The following TARBP1 variants were observed in gnomAD, a reference collection of about 807,000 sequenced individuals.
TARBP1 encodes the protein tRNA guanosine 2 -O-methyltransferase TARBP1.
In TARBP1, 144 loss-of-function variants were observed where a neutral mutation model predicts 178.6. The observed-to-expected ratio is 0.81, with a 90% CI of 0.70 to 0.93. The LOEUF (loss-of-function observed/expected upper bound fraction) is 0.93. TARBP1 is among the 40% of genes least tolerant of loss of function. TARBP1 has a pLI of 0.00. For missense variants in TARBP1, 2,067 were observed against 2,011.7 expected (o/e 1.03, Z -0.53); for synonymous variants, 787 against 781.0 (o/e 1.01, Z -0.13).
intron 24 of TARBP1, 122 bp downstream of exon 24, chr1:234,405,781 A>G (rs1396444598): frequency 2.2e-6 from 2 of 926,954 alleles, no homozygotes; most frequent in African/African-American, 3.3e-5. Flanking sequence ...CAAGCCCTCG[A>G]TGCTCCAGGA....
At chr1:234,450,589 C>T (rs1175649499) in intron 9 of TARBP1, 23 bp from the exon 10 acceptor site, 2 of 1,599,770 alleles carry the variant, frequency 1.3e-6, no homozygotes, top group African/African-American at 2.7e-5. Flanking sequence ...ACAGTTATTA[C>T]TTTATTTTAA....
At chr1:234,438,288 T>C (rs557743735) in intron 12 of TARBP1, among the ~76,000 whole-genome samples, 3 of 148,270 alleles carry the variant, frequency 2.0e-5, no homozygotes, top group African/African-American at 7.5e-5. Context: ...CCCCAGCTGA[T>C]ATGGAAAAAA....
chr1:234,462,959 C>G (rs186604897), intron 6 of TARBP1, among the ~76,000 whole-genome samples: 5 of 152,242 alleles, frequency 3.3e-5, no homozygotes, highest in Admixed American at 2.6e-4. Flanking sequence ...GGGAGTAACA[C>G]AAGGACTCAC....
chr1:234,477,011 C>A (rs904369113), intron 1 of TARBP1, among the ~76,000 whole-genome samples: 3 of 152,182 alleles, frequency 2.0e-5, no homozygotes, highest in African/African-American at 7.2e-5. Flanking sequence ...CACGGTGAAA[C>A]CCCGTCTCTA....
At chr1:234,434,431 G>A (rs1355322725) in intron 13 of TARBP1, among the ~76,000 whole-genome samples, 1 of 152,194 alleles carries the variant, frequency 6.6e-6, no homozygotes, top group African/African-American at 2.4e-5. Context: ...GGGATACAGT[G>A]CAGACAGAAG....
intron 9 of TARBP1, among the ~76,000 whole-genome samples, chr1:234,456,258 T>C (rs1379378920): frequency 6.6e-6 from 1 of 152,264 alleles, no homozygotes; most frequent in Non-Finnish European, 1.5e-5. Flanking sequence ...TGGAGTGCAG[T>C]GGCACGATCT....
chr1:234,453,233 A>T (rs1291943174), intron 9 of TARBP1, among the ~76,000 whole-genome samples: 1 of 152,154 alleles, frequency 6.6e-6, no homozygotes, highest in Non-Finnish European at 1.5e-5. Flanking sequence ...CAAATGAACC[A>T]CACTAATACA....
chr1:234,455,659 A>G (rs1667196291), intron 9 of TARBP1, among the ~76,000 whole-genome samples: 1 of 152,216 alleles, frequency 6.6e-6, no homozygotes, highest in African/African-American at 2.4e-5. Flanking sequence ...AAGGCAAGAT[A>G]GAAGAGCAAA....
At chr1:234,396,422 C>G (rs578230726) in intron 26 of TARBP1, among the ~76,000 whole-genome samples, 44 of 152,292 alleles carry the variant, frequency 2.9e-4, no homozygotes, top group Non-Finnish European at 5.1e-4. Flanking sequence ...GGGGTCTCTG[C>G]TCAATGTCAA....
intron 28 of TARBP1, among the ~76,000 whole-genome samples, chr1:234,392,970 C>T (rs556906912): frequency 5.3e-4 from 80 of 152,214 alleles, no homozygotes; most frequent in Non-Finnish European, 8.8e-4. Flanking sequence ...CCGCCCGCCT[C>T]GGCCTCCCAA....
In TARBP1 at chr1:234,429,156, C is replaced by A. The variant is rs140244269; in HGVS notation, c.3040G>T (p.Ala1014Ser). The change falls in exon 17 of 30, where the codon GCA becomes TCA. Residue 1014 changes from alanine (A) to serine (S), a missense_variant. Ala to Ser is a moderately conservative substitution (Grantham distance 99). Transcript: ENST00000040877. ...LTIAAKIKGQ[A>S]YFKIKEIMYK... ...GTTACCTCTTTTATTTTGAAATATG[C>A]CTGGCCCTTGATTTTGGCAGCAATG... 354 of 1,582,616 alleles carry A rather than the reference C, an allele frequency of 2.2e-4. No homozygotes were observed. In the African/African-American group the frequency reaches 3.3e-3, roughly 15 times the overall value.
At chr1:234,410,732 C>T (rs1661722888) in intron 22 of TARBP1, among the ~76,000 whole-genome samples, 1 of 152,190 alleles carries the variant, frequency 6.6e-6, no homozygotes, top group African/African-American at 2.4e-5. Context: ...GAGCCAAATG[C>T]CAGTGCACAC....
intron 6 of TARBP1, 47 bp from the exon 7 acceptor site, chr1:234,460,443 A>T (rs751984621): frequency 6.2e-7 from 1 of 1,601,988 alleles, no homozygotes; most frequent in African/African-American, 1.3e-5. Context: ...TTAGCACATG[A>T]AAAGAAGCTC....
chr1:234,397,223 G>A (rs1558139797), intron 26 of TARBP1, among the ~76,000 whole-genome samples: 1 of 16,848 alleles, frequency 5.9e-5, no homozygotes, highest in Non-Finnish European at 1.2e-4. Flanking sequence ...AGGAGGAGGG[G>A]GAGGAGGGGG....
intron 7 of TARBP1, among the ~76,000 whole-genome samples, 173 bp downstream of exon 7, chr1:234,460,088 A>G (rs904125537): frequency 6.6e-6 from 1 of 152,246 alleles, no homozygotes; most frequent in Non-Finnish European, 1.5e-5. Context: ...AAGTTCAACT[A>G]TACGAATAAT....
chr1:234,461,626 TATG>T (rs1558243614), intron 6 of TARBP1, among the ~76,000 whole-genome samples: 1 of 152,190 alleles, frequency 6.6e-6, no homozygotes, highest in Non-Finnish European at 1.5e-5. Context: ...TAAAATTGTT[TATG>T]ATTAGAAGCC....
rs560707355 is a variant in TARBP1, at chr1:234,392,086, A to G, written c.4697+330T>C. ...GTAAAACAGAAAAGTAACATCTTCT[A>G]GCCAGGCACGGTGGCTCACGCCTGT... On this transcript the variant is annotated intron_variant, in intron 29 of 29. Coordinates refer to ENST00000040877, the MANE Select transcript of TARBP1 (RefSeq NM_005646.4). Among the ~76,000 whole-genome samples the G allele has an allele frequency of 4.5e-4, 68 of 152,360 alleles. 1 individual carries two copies. Among genetic ancestry groups the G allele is most frequent in the African/African-American group, 1.5e-3 (64 of 41,594 alleles).
In TARBP1 at chr1:234,467,435, A is replaced by G. The variant is rs2295943; in HGVS notation, c.1248+67T>C. 282 of 1,377,450 alleles carry G rather than the reference A, an allele frequency of 2.0e-4. No individual in the cohort carries two copies. The East Asian group carries it at 6.8e-3, about 33-fold the overall frequency. 85.3% of individuals were successfully genotyped at this position (1,377,450 alleles called of 1,614,324 possible). On this transcript the variant is annotated intron_variant, in intron 4 of 29. Transcript: ENST00000040877. Reference sequence around the variant, plus strand: ...CCAAAATGTTACTTGCTGATACAGAATCCTAGTGTATTTTTACCTCTCGCC... The same window carrying G: ...CCAAAATGTTACTTGCTGATACAGAGTCCTAGTGTATTTTTACCTCTCGCC...
At chr1:234,410,686 C>T (rs1661719029) in intron 22 of TARBP1, among the ~76,000 whole-genome samples, 155 bp from the exon 23 acceptor site, 1 of 152,250 alleles carries the variant, frequency 6.6e-6, no homozygotes, top group Admixed American at 6.5e-5. Flanking sequence ...GCTGCGGCAA[C>T]AGGCACAGGA....
Sources: gnomAD v4.1 joint callset for allele counts (sites outside exome capture counted in the v4.1 genomes callset) on GRCh38, gnomAD v4.1.1 for gene constraint, MANE v1.5 for transcripts, NCBI Gene and HGNC (gene_info 2026-07-23, HGNC 2026-07-21) for gene names.